Variants in SMYD1 observed in about 807,000 individuals in gnomAD.
SMYD1 encodes histone-lysine N-methyltransferase SMYD1.
Under a neutral mutation model 54.0 loss-of-function variants are expected in SMYD1, and 49 were observed. The observed-to-expected ratio is 0.91, with a 90% CI of 0.72 to 1.15. The LOEUF (loss-of-function observed/expected upper bound fraction) is 1.15. SMYD1 is among the 50% of genes most tolerant of loss of function. The pLI, the probability that SMYD1 is intolerant of heterozygous loss-of-function variation, is 0.00. For synonymous variants in SMYD1, 269 were observed against 234.2 expected (o/e 1.15, Z -1.36); for missense variants, 653 against 639.6 (o/e 1.02, Z -0.23).
At chr2:88,092,202 A>G (rs1674477648) in intron 4 of SMYD1, among the ~76,000 whole-genome samples, 1 of 152,154 alleles carries the variant, frequency 6.6e-6, no homozygotes, top group African/African-American at 2.4e-5. Context: ...CAGAAGCCAG[A>G]CCGCAAAGAA....
At chr2:88,073,885 T>C (rs1315855858) in intron 1 of SMYD1, among the ~76,000 whole-genome samples, 1 of 152,236 alleles carries the variant, frequency 6.6e-6, no homozygotes, top group Non-Finnish European at 1.5e-5. Flanking sequence ...TGTTTTCTTT[T>C]GATGCCCTCA....
Position 88,112,196 on chromosome 2 carries a change from A to C in SMYD1, c.*1684A>C. On this transcript the variant is annotated 3_prime_UTR_variant, in exon 10 of 10. Coordinates refer to ENST00000419482, the MANE Select transcript of SMYD1 (RefSeq NM_198274.4). ...CCAGGGATCTAACTGGCTAGTTCAA[A>C]TTATCACTCTTTTACCTTCATATAA... The C allele has an allele frequency of 1.4e-6, 1 of 702,594 alleles. No homozygotes were observed. Among genetic ancestry groups the C allele is most frequent in the South Asian group, 1.5e-5 (1 of 67,536 alleles). The allele number at this position is 702,594 out of a possible 1,614,324, so 43.5% of individuals were successfully genotyped here.
At chr2:88,110,219 G>T in intron 9 of SMYD1, 135 bp from the exon 10 acceptor site, 1 of 841,392 alleles carries the variant, frequency 1.2e-6, no homozygotes, top group Middle Eastern at 3.4e-4. Context: ...GTGTGTGTGT[G>T]TGTGTGTGTG....
intron 5 of SMYD1, among the ~76,000 whole-genome samples, chr2:88,095,692 G>A (rs1674571207): frequency 6.6e-6 from 1 of 152,202 alleles, no homozygotes; most frequent in Non-Finnish European, 1.5e-5. Context: ...AGATACAGGA[G>A]CATGGTTTAG....
chr2:88,103,203 T>A, intron 7 of SMYD1, 53 bp downstream of exon 7: 2 of 1,472,368 alleles, frequency 1.4e-6, no homozygotes, highest in Non-Finnish European at 1.9e-6. Context: ...GTGGAAACAT[T>A]CTCCAGTAAG....
intron 8 of SMYD1, among the ~76,000 whole-genome samples, chr2:88,108,149 C>A (rs1674925557): frequency 1.3e-5 from 2 of 152,172 alleles, no homozygotes; most frequent in African/African-American, 4.8e-5. Context: ...GCTGGGCAGC[C>A]CAGGCCGGAG....
chr2:88,071,879 A>T (rs1673954145), intron 1 of SMYD1, among the ~76,000 whole-genome samples: 1 of 151,922 alleles, frequency 6.6e-6, no homozygotes, highest in Non-Finnish European at 1.5e-5. Context: ...GCTCTGTGGT[A>T]CCTTAGCCCA....
chr2:88,079,956 C>T (rs1674152217), intron 1 of SMYD1, among the ~76,000 whole-genome samples: 2 of 152,228 alleles, frequency 1.3e-5, no homozygotes, highest in Admixed American at 1.3e-4. Context: ...TGAAAAACTG[C>T]TCTTGGGTAA....
intron 5 of SMYD1, 125 bp from the exon 6 acceptor site, chr2:88,096,470 G>T: frequency 2.5e-6 from 2 of 808,562 alleles, no homozygotes; most frequent in Non-Finnish European, 2.0e-6. Context: ...TGGGGTCAAT[G>T]GGAGTTTCTG....
Position 88,088,080 on chromosome 2 carries a change from GC to G in SMYD1, c.528+10del, listed in dbSNP as rs929189324. The G allele has an allele frequency of 2.5e-6, 4 of 1,608,392 alleles. No homozygotes were observed. The African/African-American group carries it at 5.3e-5, about 21-fold the overall frequency. On this transcript the variant is annotated splice_donor_region_variant and intron_variant, in intron 3 of 9. Coordinates refer to ENST00000419482, the MANE Select transcript of SMYD1 (RefSeq NM_198274.4). ...ATCTCGCACATCTTCGGAGTGGTAG[GC>G]CCCCTGCGTCCCTTCTCCATCCTCC...
chr2:88,095,289 G>A (rs1341324952), intron 5 of SMYD1, among the ~76,000 whole-genome samples: 1 of 152,192 alleles, frequency 6.6e-6, no homozygotes, highest in Non-Finnish European at 1.5e-5. Context: ...GACAAATGGT[G>A]AGCAGGCACT....
intron 8 of SMYD1, among the ~76,000 whole-genome samples, chr2:88,107,025 C>T (rs1004856349): frequency 6.6e-6 from 1 of 151,732 alleles, no homozygotes; most frequent in African/African-American, 2.4e-5. Flanking sequence ...ATGGTGAAAC[C>T]CCGTCTCTAT....
intron 1 of SMYD1, among the ~76,000 whole-genome samples, chr2:88,076,522 C>G (rs1033160749): frequency 6.6e-6 from 1 of 152,192 alleles, no homozygotes; most frequent in African/African-American, 2.4e-5. Flanking sequence ...CGCGCCCCGC[C>G]TTCCTTTATC....
chr2:88,068,836 T>C (rs1673889154), intron 1 of SMYD1, among the ~76,000 whole-genome samples: 1 of 152,240 alleles, frequency 6.6e-6, no homozygotes, highest in African/African-American at 2.4e-5. Flanking sequence ...ATCCTATAAA[T>C]ATATGACATT....
At chr2:88,092,086 C>G (rs961101453) in intron 4 of SMYD1, among the ~76,000 whole-genome samples, 1 of 152,154 alleles carries the variant, frequency 6.6e-6, no homozygotes, top group African/African-American at 2.4e-5. Context: ...CTAGAGAAAC[C>G]AGCCAGCTGG....
At chr2:88,089,642 G>A (rs1674420214) in intron 3 of SMYD1, among the ~76,000 whole-genome samples, 1 of 145,758 alleles carries the variant, frequency 6.9e-6, no homozygotes, top group African/African-American at 2.6e-5. Context: ...ACTCAGGCTG[G>A]AGTGCAGTGG....
At chr2:88,070,708 A>C (rs2970930) in intron 1 of SMYD1, among the ~76,000 whole-genome samples, 137,886 of 151,778 alleles carry the variant, frequency 0.91, 62,843 homozygotes, top group East Asian at 1. Flanking sequence ...CTTTGGGAGA[A>C]CCAGGCGGGC....
rs200823819 is a variant in SMYD1, at chr2:88,093,571, C to A, written c.698+16C>A. 1 of 1,614,166 alleles carries A rather than the reference C, an allele frequency of 6.2e-7. No individual in the cohort carries two copies. The highest frequency in any genetic ancestry group is 8.5e-7 in the Non-Finnish European group (1 of 1,180,016). On this transcript the variant is annotated intron_variant, in intron 5 of 9. Coordinates refer to ENST00000419482, the MANE Select transcript of SMYD1 (RefSeq NM_198274.4). ...CCCAGATGAGGTGGGTCAGTCCTTTCAAGCATCCCTGCTCCTCTGACCCAT... is the reference window on the plus strand; with the variant it reads ...CCCAGATGAGGTGGGTCAGTCCTTTAAAGCATCCCTGCTCCTCTGACCCAT...
At position 88,096,681 on chromosome 2, in the gene SMYD1, G is replaced by T; in HGVS notation, c.785G>T (p.Arg262Leu). Reference protein sequence around the residue: ...YIDFLNVSEERKRQLKKQYYF... With the variant: ...YIDFLNVSEELKRQLKKQYYF... ...GACTTCCTCAACGTTAGTGAAGAAC[G>T]CAAGAGGCAGCTGAAGAAGCAGTAC... is the stretch of plus-strand genomic sequence containing the variant. The change falls in exon 6 of 10, where the codon CGC (arginine) becomes CTC (leucine). Residue 262 changes from arginine to leucine, a missense_variant. Arg to Leu is a moderately radical substitution (Grantham distance 102, BLOSUM62 -2). Transcript: ENST00000419482. 1 of 1,614,178 alleles carries T rather than the reference G, an allele frequency of 6.2e-7. No individual in the cohort carries two copies. Among genetic ancestry groups the T allele is most frequent in the Non-Finnish European group, 8.5e-7 (1 of 1,180,034 alleles).
Sources: allele counts gnomAD v4.1 joint callset (sites outside exome capture counted in the v4.1 genomes callset), GRCh38; gene constraint gnomAD v4.1.1; transcripts MANE v1.5; gene names NCBI Gene and HGNC (gene_info 2026-07-23, HGNC 2026-07-21).